The following MBD5 variants were observed in gnomAD, a reference collection of about 807,000 sequenced individuals.
The protein encoded by MBD5 is methyl-CpG binding domain protein 5, also known as methyl-CpG-binding domain protein 5.
In MBD5, 13 loss-of-function variants were observed where a neutral mutation model predicts 117.3. That is an observed-to-expected ratio of 0.11 (90% CI 0.07 to 0.18). The LOEUF (loss-of-function observed/expected upper bound fraction) is 0.18. Among genes scored for constraint, MBD5 ranks in the 10% least tolerant of loss-of-function variants. MBD5 has a pLI of 1.00. For missense variants in MBD5, 1,879 were observed against 2,093.8 expected (o/e 0.90, Z 2.00); for synonymous variants, 727 against 766.4 (o/e 0.95, Z 0.85).
chr2:148,103,819 A>G (rs1696295972), intron 1 of MBD5, among the ~76,000 whole-genome samples: 1 of 152,208 alleles, frequency 6.6e-6, no homozygotes, highest in South Asian at 2.1e-4. Flanking sequence ...CAGAGCTAGG[A>G]GAATAATTTA....
At chr2:148,279,665 C>A (rs1053131002) in intron 3 of MBD5, among the ~76,000 whole-genome samples, 2 of 152,198 alleles carry the variant, frequency 1.3e-5, no homozygotes, top group African/African-American at 4.8e-5. Flanking sequence ...TCATTTAGCT[C>A]TAGATGTATC....
intron 1 of MBD5, among the ~76,000 whole-genome samples, chr2:148,106,042 C>G (rs13032303): frequency 0.31 from 46,727 of 151,634 alleles, 8,331 homozygotes; most frequent in East Asian, 0.46. Context: ...ACTTTTTTGT[C>G]CTAGTACATA....
intron 1 of MBD5, among the ~76,000 whole-genome samples, chr2:148,138,381 A>G (rs1161332117): frequency 6.6e-6 from 1 of 152,234 alleles, no homozygotes; most frequent in Non-Finnish European, 1.5e-5. Context: ...TTCAGGCTTA[A>G]ATTTCAATTA....
intron 1 of MBD5, among the ~76,000 whole-genome samples, chr2:148,150,735 C>T (rs992041695): frequency 3.9e-5 from 6 of 152,002 alleles, no homozygotes; most frequent in Non-Finnish European, 7.4e-5. Flanking sequence ...TGATTTGGCT[C>T]TCTGTTTGTC....
intron 4 of MBD5, among the ~76,000 whole-genome samples, chr2:148,354,379 TC>T (rs1202099716): frequency 7.9e-5 from 12 of 152,110 alleles, no homozygotes; most frequent in African/African-American, 2.9e-4. Flanking sequence ...GGTCTTCTGT[TC>T]TTGTGTTAGT....
intron 2 of MBD5, among the ~76,000 whole-genome samples, chr2:148,195,366 G>A (rs1169926286): frequency 6.6e-6 from 1 of 152,072 alleles, no homozygotes. Context: ...TCTCCTAAAT[G>A]TATATCCACT....
chr2:148,478,847 A>G (rs1342904250), intron 8 of MBD5, among the ~76,000 whole-genome samples: 1 of 152,214 alleles, frequency 6.6e-6, no homozygotes, highest in Non-Finnish European at 1.5e-5. Context: ...CCTTTTGGTT[A>G]TTTAACTGGT....
chr2:148,315,178 A>G (rs1394237462), intron 3 of MBD5, among the ~76,000 whole-genome samples: 1 of 152,190 alleles, frequency 6.6e-6, no homozygotes, highest in African/African-American at 2.4e-5. Context: ...ATTCTAGACC[A>G]ACCTGCATCC....
At chr2:148,330,053 C>CCCCCCCCCCCCCCCCCCCCCCA (rs1559026394) in intron 3 of MBD5, among the ~76,000 whole-genome samples, 2 of 21,088 alleles carry the variant, frequency 9.5e-5, no homozygotes, top group African/African-American at 1.3e-4. Flanking sequence ...GCCCCCCCCA[C>CCCCCCCCCCCCCCCCCCCCCCA]ACACACACAC....
chr2:148,214,460 A>G (rs1240587889), intron 2 of MBD5, among the ~76,000 whole-genome samples: 1 of 152,222 alleles, frequency 6.6e-6, no homozygotes, highest in Non-Finnish European at 1.5e-5. Context: ...GACTTACTCC[A>G]TGGGCTGAAG....
At chr2:148,148,659 A>G (rs951060079) in intron 1 of MBD5, among the ~76,000 whole-genome samples, 1 of 151,670 alleles carries the variant, frequency 6.6e-6, no homozygotes, top group Non-Finnish European at 1.5e-5. Context: ...TCCTTTGCCT[A>G]CTCCTTAAAT....
intron 12 of MBD5, among the ~76,000 whole-genome samples, chr2:148,504,223 A>G (rs779153037): frequency 7.2e-5 from 11 of 152,252 alleles, no homozygotes; most frequent in Admixed American, 1.3e-4. Flanking sequence ...GAGAAGTAAA[A>G]GTAGAAAATA....
chr2:148,102,700 TCACA>T lies in MBD5; in HGVS notation c.-924-75973_-924-75970del, dbSNP rs72105542. Among the ~76,000 whole-genome samples, 259 of 131,890 alleles carry T rather than the reference TCACA, an allele frequency of 2.0e-3. 1 individual carries two copies. The highest frequency in any genetic ancestry group is 7.8e-3 in the Middle Eastern group (2 of 256). The allele number at this position is 131,890 out of a possible 152,430, so 86.5% of individuals were successfully genotyped here. A position where few individuals can be genotyped will look rare whatever the true frequency, so the allele number is the denominator to read the frequency against. On this transcript the variant is annotated intron_variant, in intron 1 of 13. Transcript: ENST00000642680. ...ACACACACACAGAGAGAGAGAGAGA[TCACA>T]CACACACACACACACACACACACAC... is the stretch of plus-strand genomic sequence containing the variant.
chr2:148,096,603 G>T (rs781254887), intron 1 of MBD5, among the ~76,000 whole-genome samples: 1 of 152,058 alleles, frequency 6.6e-6, no homozygotes. Context: ...ATTGTTCTGC[G>T]AATTAAAACC....
At chr2:148,438,206 CAT>C (rs947930150) in intron 4 of MBD5, among the ~76,000 whole-genome samples, 37 of 152,286 alleles carry the variant, frequency 2.4e-4, no homozygotes, top group African/African-American at 8.9e-4. Context: ...CTACGGAAGT[CAT>C]ACACAACTGA....
intron 11 of MBD5, among the ~76,000 whole-genome samples, chr2:148,499,164 T>C (rs1235421715): frequency 6.6e-6 from 1 of 152,066 alleles, no homozygotes; most frequent in Non-Finnish European, 1.5e-5. Context: ...TAGCTGGGCA[T>C]TGTGGCACAC....
chr2:148,345,476 T>TACATATACATATGTATATACACATAC lies in MBD5; in HGVS notation c.-557+3142_-557+3167dup, dbSNP rs1559033191. 9.5e-5 allele frequency among the ~76,000 whole-genome samples: 4 copies of TACATATACATATGTATATACACATAC among 42,204 alleles called. 1 individual carries two copies. The highest frequency in any genetic ancestry group is 3.5e-4 in the African/African-American group (4 of 11,340). The allele number at this position is 42,204 out of a possible 152,430, so 27.7% of individuals were successfully genotyped here. ...ACACATATACATATGTATATACACA[T>TACATATACATATGTATATACACATAC]ACATATACATATGTATATACACATA... On this transcript the variant is annotated intron_variant, in intron 4 of 13. Transcript: ENST00000642680.
At chr2:148,437,427 T>C (rs1706187313) in intron 4 of MBD5, among the ~76,000 whole-genome samples, 2 of 152,150 alleles carry the variant, frequency 1.3e-5, no homozygotes, top group African/African-American at 4.8e-5. Flanking sequence ...GCCACAATCC[T>C]GAAGCCATAA....
chr2:148,044,054 A>G lies in MBD5; in HGVS notation c.-925+22370A>G, dbSNP rs555594933. Among the ~76,000 whole-genome samples the G allele has an allele frequency of 3.9e-5, 6 of 152,346 alleles. No individual in the cohort carries two copies. In the South Asian group the frequency reaches 1.0e-3, roughly 26 times the overall value. On this transcript the variant is annotated intron_variant, in intron 1 of 13. Coordinates refer to ENST00000642680, the MANE Select transcript of MBD5 (RefSeq NM_001378120.1). ...AGTTTAACTTCAGATGTACGTAGTG[A>G]TATGAACTGTCTCCAAGAAGAGTCA... is the stretch of plus-strand genomic sequence containing the variant.
Sources: gnomAD v4.1 joint callset for allele counts (sites outside exome capture counted in the v4.1 genomes callset) on GRCh38, gnomAD v4.1.1 for gene constraint, MANE v1.5 for transcripts, NCBI Gene and HGNC (gene_info 2026-07-23, HGNC 2026-07-21) for gene names.